ABI3BP: variants seen among roughly 807,000 people sequenced by gnomAD.
ABI3BP encodes the protein ABI family member 3 binding protein.
A neutral mutation model predicts 268.6 loss-of-function variants in ABI3BP; 216 were observed. That is an observed-to-expected ratio of 0.80 (90% CI 0.72 to 0.90). The LOEUF is 0.90. Ranked by LOEUF, ABI3BP falls within the 40% of genes least tolerant of loss-of-function variation. The pLI is 0.00. For synonymous variants in ABI3BP, 730 were observed against 730.0 expected, an observed-to-expected ratio of 1.00 and a Z score of 0.00; for missense variants, 2,090 against 2,182.4, an observed-to-expected ratio of 0.96 and a Z score of 0.84.
At chr3:100,852,097 A>C (rs907980468) in intron 14 of ABI3BP, among the ~76,000 whole-genome samples, 157 bp from the exon 15 acceptor site, 5 of 152,174 alleles carry the variant, frequency 3.3e-5, no homozygotes, top group African/African-American at 1.2e-4. Flanking sequence ...CTTGTCACTA[A>C]CATCTAAGCA....
intron 1 of ABI3BP, among the ~76,000 whole-genome samples, chr3:100,937,140 T>C (rs1372587751): frequency 2.6e-5 from 4 of 152,018 alleles, no homozygotes; most frequent in African/African-American, 7.2e-5. Context: ...GAAATGCAAA[T>C]TAAAACCACA....
At chr3:100,795,060 C>A in intron 53 of ABI3BP, 57 bp from the exon 54 acceptor site, 5 of 1,104,178 alleles carry the variant, frequency 4.5e-6, no homozygotes, top group Non-Finnish European at 6.1e-6. Context: ...CAGCACCAGA[C>A]CAGATTGGTA....
intron 1 of ABI3BP, among the ~76,000 whole-genome samples, chr3:100,938,310 A>AAC (rs2067207754): frequency 6.6e-6 from 1 of 151,976 alleles, no homozygotes; most frequent in Non-Finnish European, 1.5e-5. Context: ...TAAAAAAAAA[A>AAC]AAACAAGCAA....
rs1373979234 is a variant in ABI3BP, at chr3:100,848,788, AAG to A, written c.1576+11_1576+12del. The A allele has an allele frequency of 6.2e-7, 1 of 1,604,010 alleles. No homozygotes were observed. The highest frequency in any genetic ancestry group is 1.1e-5 in the South Asian group (1 of 90,852). On this transcript the variant is annotated intron_variant, in intron 18 of 67. Coordinates refer to ENST00000471714, the MANE Select transcript of ABI3BP (RefSeq NM_001375547.2). The stretch of plus-strand genomic sequence containing the variant: ...TGGAATTACATATCATGTAAATATA[AAG>A]AGACATTTACCAGGTTTGGTTCTTG...
chr3:100,827,420 C>T (rs1014307511), intron 34 of ABI3BP, among the ~76,000 whole-genome samples: 6 of 151,994 alleles, frequency 3.9e-5, no homozygotes, highest in Admixed American at 1.3e-4. Flanking sequence ...AACCAAAGAC[C>T]CTACACTTAT....
At chr3:100,813,881 C>T (rs950517712) in intron 44 of ABI3BP, 146 bp from the exon 45 acceptor site, 6 of 596,642 alleles carry the variant, frequency 1.0e-5, no homozygotes, top group African/African-American at 9.2e-5. Context: ...CTATTTAAAG[C>T]AGAGGTCAGC....
At chr3:100,889,266 G>A (rs1312013437) in intron 4 of ABI3BP, among the ~76,000 whole-genome samples, 2 of 152,046 alleles carry the variant, frequency 1.3e-5, no homozygotes, top group Non-Finnish European at 2.9e-5. Context: ...GGAAAAGAGA[G>A]CCCAAGAAGT....
chr3:100,778,263 G>C, intron 59 of ABI3BP, 21 bp downstream of exon 59: 1 of 1,608,658 alleles, frequency 6.2e-7, no homozygotes, highest in Non-Finnish European at 8.5e-7. Context: ...GCGGGAAAAG[G>C]AAGGTACATG....
intron 6 of ABI3BP, among the ~76,000 whole-genome samples, chr3:100,881,118 A>T (rs2039020002): frequency 6.6e-6 from 1 of 152,238 alleles, no homozygotes; most frequent in Non-Finnish European, 1.5e-5. Context: ...CCTACTTTCA[A>T]AAGGCTTCAA....
At chr3:100,854,121 C>T (rs916054268) in intron 14 of ABI3BP, among the ~76,000 whole-genome samples, 9 of 147,938 alleles carry the variant, frequency 6.1e-5, no homozygotes, top group African/African-American at 1.0e-4. Context: ...GAGGCCGAGG[C>T]GGGTAAATCC....
At chr3:100,905,019 C>T (rs1459384114) in intron 2 of ABI3BP, among the ~76,000 whole-genome samples, 2 of 152,092 alleles carry the variant, frequency 1.3e-5, no homozygotes, top group Non-Finnish European at 2.9e-5. Context: ...CCCAAATGTC[C>T]AACAATGATA....
At chr3:100,819,563 A>G (rs1337086070) in intron 40 of ABI3BP, among the ~76,000 whole-genome samples, 1 of 152,154 alleles carries the variant, frequency 6.6e-6, no homozygotes, top group Non-Finnish European at 1.5e-5. Context: ...CTGTGGGAAG[A>G]TAGAAGGCAC....
At chr3:100,799,551 A>G (rs1238359910) in intron 51 of ABI3BP, among the ~76,000 whole-genome samples, 1 of 152,156 alleles carries the variant, frequency 6.6e-6, no homozygotes, top group Non-Finnish European at 1.5e-5. Context: ...CTGGGCATGC[A>G]CAGTCAAGCT....
chr3:100,816,131 C>G (rs2098034744), intron 43 of ABI3BP, 160 bp from the exon 44 acceptor site: 1 of 554,196 alleles, frequency 1.8e-6, no homozygotes, highest in Non-Finnish European at 3.1e-6. Flanking sequence ...TTTGGCCACA[C>G]TAGCTAGAAC....
At chr3:100,824,663 A>T (rs888047550) in intron 36 of ABI3BP, among the ~76,000 whole-genome samples, 195 bp downstream of exon 36, 1 of 152,192 alleles carries the variant, frequency 6.6e-6, no homozygotes, top group African/African-American at 2.4e-5. Flanking sequence ...ATAATAAGAT[A>T]TGCTGGCATC....
intron 57 of ABI3BP, among the ~76,000 whole-genome samples, chr3:100,785,026 T>C (rs1002702038): frequency 3.3e-5 from 5 of 152,088 alleles, no homozygotes; most frequent in African/African-American, 1.2e-4. Flanking sequence ...TGTTTATCCA[T>C]GTAACAACAA....
chr3:100,789,618 A>G, intron 55 of ABI3BP, 102 bp from the exon 56 acceptor site: 1 of 1,109,036 alleles, frequency 9.0e-7, no homozygotes, highest in Non-Finnish European at 1.3e-6. Flanking sequence ...CTTTGCATGG[A>G]CGTATAAAGA....
intron 1 of ABI3BP, among the ~76,000 whole-genome samples, chr3:100,972,794 A>G (rs2084279020): frequency 6.6e-6 from 1 of 152,230 alleles, no homozygotes; most frequent in Non-Finnish European, 1.5e-5. Context: ...GCCAAGCTTC[A>G]TTATTTTGCA....
At chr3:100,808,718 G>A (rs1041495518) in intron 49 of ABI3BP, among the ~76,000 whole-genome samples, 2 of 152,104 alleles carry the variant, frequency 1.3e-5, no homozygotes, top group African/African-American at 2.4e-5. Context: ...AATTTTATTG[G>A]TTATATAGGG....
Sources: allele counts gnomAD v4.1 joint callset (sites outside exome capture counted in the v4.1 genomes callset), GRCh38; gene constraint gnomAD v4.1.1; transcripts MANE v1.5; gene names NCBI Gene and HGNC (gene_info 2026-07-23, HGNC 2026-07-21).